FRMD4A: variants seen among roughly 807,000 people sequenced by gnomAD.
FRMD4A encodes FERM domain containing 4A, also known as FERM domain-containing protein 4A.
In FRMD4A, 29 loss-of-function variants were observed where a neutral mutation model predicts 129.1. The ratio of observed to expected loss-of-function variants is 0.22; its 90% confidence interval spans 0.17 to 0.31. FRMD4A has a LOEUF of 0.31. Among genes scored for constraint, FRMD4A ranks in the 10% least tolerant of loss-of-function variants. The probability of loss-of-function intolerance (pLI) is 1.00; values close to 1 mark genes in which losing one functional copy is unlikely to be tolerated. For missense variants in FRMD4A, 1,272 were observed against 1,375.8 expected, an observed-to-expected ratio of 0.92 and a Z score of 1.19; for synonymous variants, 634 against 571.6, an observed-to-expected ratio of 1.11 and a Z score of -1.56.
intron 2 of FRMD4A, among the ~76,000 whole-genome samples, chr10:13,892,021 G>A (rs2094704912): frequency 7.2e-6 from 1 of 139,604 alleles, no homozygotes; most frequent in African/African-American, 2.7e-5. Context: ...AACAATGCGC[G>A]CCCCCGCCCC....
At chr10:13,856,937 G>A (rs548704185) in intron 3 of FRMD4A, among the ~76,000 whole-genome samples, 4 of 152,126 alleles carry the variant, frequency 2.6e-5, no homozygotes, top group East Asian at 1.9e-4. Context: ...CAGACCACTC[G>A]CCTATAAACT....
intron 2 of FRMD4A, among the ~76,000 whole-genome samples, chr10:14,196,285 A>G (rs1187504887): frequency 6.6e-6 from 1 of 152,106 alleles, no homozygotes; most frequent in African/African-American, 2.4e-5. Flanking sequence ...GCTCAACTCA[A>G]CCTTGAGCTA....
At chr10:13,885,298 C>T (rs2094606713) in intron 2 of FRMD4A, among the ~76,000 whole-genome samples, 1 of 152,204 alleles carries the variant, frequency 6.6e-6, no homozygotes, top group Non-Finnish European at 1.5e-5. Context: ...CCGAATGTCA[C>T]TTATAAATAA....
chr10:13,692,177 C>CTTGCTCTG (rs2085772931), intron 15 of FRMD4A: 1 of 105,212 alleles, frequency 9.5e-6, no homozygotes, highest in Non-Finnish European at 1.7e-5. Context: ...GAGACAGAGT[C>CTTGCTCTG]TTGCTCTGTT....
chr10:13,649,308 T>C (rs776844472), intron 24 of FRMD4A: 2 of 131,324 alleles, frequency 1.5e-5, no homozygotes, highest in Non-Finnish European at 3.6e-5. Context: ...GTAGATGAGG[T>C]TAAGGGTTCC....
chr10:14,280,025 G>T (rs1845466849), intron 2 of FRMD4A, among the ~76,000 whole-genome samples: 1 of 152,154 alleles, frequency 6.6e-6, no homozygotes, highest in Non-Finnish European at 1.5e-5. Flanking sequence ...CTTCCACTTT[G>T]CCATGTTACA....
intron 2 of FRMD4A, among the ~76,000 whole-genome samples, chr10:14,047,443 C>T (rs1834036827): frequency 6.6e-6 from 1 of 152,182 alleles, no homozygotes; most frequent in South Asian, 2.1e-4. Flanking sequence ...ACATTTCCAT[C>T]ATTTTCAGTC....
At chr10:14,051,534 T>C (rs1200434955) in intron 2 of FRMD4A, among the ~76,000 whole-genome samples, 4 of 152,162 alleles carry the variant, frequency 2.6e-5, no homozygotes, top group Admixed American at 6.5e-5. Flanking sequence ...CCCACTTGGA[T>C]TGCAGGAAGA....
intron 3 of FRMD4A, among the ~76,000 whole-genome samples, chr10:13,845,595 G>T (rs906247197): frequency 1.3e-5 from 2 of 152,258 alleles, no homozygotes; most frequent in South Asian, 4.2e-4. Flanking sequence ...GACTTGCCTG[G>T]GTTACCATAG....
At position 14,202,387 on chromosome 10, in the gene FRMD4A, G is replaced by T. The variant is rs1172502506; in HGVS notation, c.45+127671C>A. 2.6e-5 allele frequency among the ~76,000 whole-genome samples: 4 copies of T among 152,226 alleles called. No homozygotes were observed. In the East Asian group the frequency reaches 7.7e-4, roughly 29 times the overall value. ...ATCTCAAACACCTGGTTAGTTTTTAGTTATTTATTTATTTACTTATTTATT... is the reference window on the plus strand; with the variant it reads ...ATCTCAAACACCTGGTTAGTTTTTATTTATTTATTTATTTACTTATTTATT... On this transcript the variant is annotated intron_variant, in intron 2 of 24. Transcript: ENST00000357447.
At chr10:13,982,695 G>A (rs1465235461) in intron 2 of FRMD4A, among the ~76,000 whole-genome samples, 1 of 152,168 alleles carries the variant, frequency 6.6e-6, no homozygotes, top group Admixed American at 6.5e-5. Flanking sequence ...TATCTACATG[G>A]CTGCCCATAC....
chr10:14,118,842 G>A (rs1011212110), intron 2 of FRMD4A, among the ~76,000 whole-genome samples: 1 of 152,152 alleles, frequency 6.6e-6, no homozygotes, highest in African/African-American at 2.4e-5. Flanking sequence ...AATTCAAGGT[G>A]AGATTTGGGT....
chr10:14,041,140 TTTC>T (rs561159722), intron 2 of FRMD4A, among the ~76,000 whole-genome samples: 299 of 152,292 alleles, frequency 2.0e-3, no homozygotes, highest in African/African-American at 6.7e-3. Flanking sequence ...GTTATACTCG[TTTC>T]TTCTTCTTTG....
intron 2 of FRMD4A, chr10:14,007,987 G>A (rs551973882): frequency 7.8e-7 from 1 of 1,275,450 alleles, no homozygotes; most frequent in Non-Finnish European, 1.0e-6. Flanking sequence ...GAAGTAACGC[G>A]GTATACAATG....
intron 2 of FRMD4A, among the ~76,000 whole-genome samples, chr10:14,300,078 T>C (rs951808090): frequency 1.3e-5 from 2 of 151,844 alleles, no homozygotes; most frequent in Non-Finnish European, 2.9e-5. Flanking sequence ...AGAACTTTTA[T>C]ACCTTCGTGT....
At chr10:14,028,517 C>T (rs929270870) in intron 2 of FRMD4A, among the ~76,000 whole-genome samples, 1 of 152,110 alleles carries the variant, frequency 6.6e-6, no homozygotes, top group Non-Finnish European at 1.5e-5. Context: ...CCCTTGTCCA[C>T]CCCAGGAGGA....
At chr10:14,119,768 A>T (rs1838396834) in intron 2 of FRMD4A, among the ~76,000 whole-genome samples, 1 of 152,148 alleles carries the variant, frequency 6.6e-6, no homozygotes. Flanking sequence ...GGGGAGTAAC[A>T]ATTTAGAGGA....
chr10:13,845,408 C>T (rs2094029335), intron 3 of FRMD4A, among the ~76,000 whole-genome samples: 1 of 152,312 alleles, frequency 6.6e-6, no homozygotes, highest in Admixed American at 6.5e-5. Flanking sequence ...TTCAAGTGAA[C>T]TGATACTGAA....
At chr10:14,148,959 C>T (rs552567224) in intron 2 of FRMD4A, among the ~76,000 whole-genome samples, 6 of 152,252 alleles carry the variant, frequency 3.9e-5, no homozygotes, top group South Asian at 2.1e-4. Flanking sequence ...GATGCTCACA[C>T]ACTTGTAATT....
Sources: gnomAD v4.1 joint callset for allele counts (sites outside exome capture counted in the v4.1 genomes callset) on GRCh38, gnomAD v4.1.1 for gene constraint, MANE v1.5 for transcripts, NCBI Gene and HGNC (gene_info 2026-07-23, HGNC 2026-07-21) for gene names.